DISC1: variants seen among roughly 807,000 people sequenced by gnomAD.
The protein encoded by DISC1 is DISC1 scaffold protein.
In DISC1, 57 loss-of-function variants were observed where a neutral mutation model predicts 84.5. The ratio of observed to expected loss-of-function variants is 0.67; its 90% confidence interval spans 0.55 to 0.84. The LOEUF (loss-of-function observed/expected upper bound fraction) is 0.84. Ranked by LOEUF, DISC1 falls within the 40% of genes least tolerant of loss-of-function variation. The pLI, the probability that DISC1 is intolerant of heterozygous loss-of-function variation, is 0.00. For missense variants in DISC1, 1,000 were observed against 1,057.8 expected, an observed-to-expected ratio of 0.95 and a Z score of 0.76; for synonymous variants, 411 against 415.2, an observed-to-expected ratio of 0.99 and a Z score of 0.12.
chr1:231,704,785 A>AT (rs2066849447), intron 3 of DISC1, among the ~76,000 whole-genome samples: 3 of 147,936 alleles, frequency 2.0e-5, no homozygotes, highest in Non-Finnish European at 4.5e-5. Flanking sequence ...AAAAAAAAAA[A>AT]GCAGATTCTG....
At chr1:231,875,810 A>G (rs1475194473) in intron 9 of DISC1, among the ~76,000 whole-genome samples, 4 of 152,046 alleles carry the variant, frequency 2.6e-5, no homozygotes, top group Admixed American at 6.6e-5. Flanking sequence ...ATCATTCACA[A>G]TTCCCCCACA....
intron 3 of DISC1, among the ~76,000 whole-genome samples, chr1:231,740,586 G>C (rs1238766327): frequency 1.3e-5 from 2 of 152,178 alleles, no homozygotes; most frequent in African/African-American, 2.4e-5. Flanking sequence ...CCAGGCCTTT[G>C]AGAAGATTTT....
chr1:231,633,919 T>C (rs953771241), intron 1 of DISC1, among the ~76,000 whole-genome samples: 2 of 149,136 alleles, frequency 1.3e-5, no homozygotes, highest in South Asian at 2.1e-4. Flanking sequence ...AGTCTTGCTC[T>C]GTAGCCCAGG....
intron 3 of DISC1, among the ~76,000 whole-genome samples, chr1:231,725,474 A>G (rs990204640): frequency 6.6e-6 from 1 of 152,172 alleles, no homozygotes. Flanking sequence ...TTTCCTAGGA[A>G]GTTCTAAATA....
chr1:231,842,764 A>G (rs1347604822), intron 9 of DISC1, among the ~76,000 whole-genome samples: 4 of 152,122 alleles, frequency 2.6e-5, no homozygotes, highest in African/African-American at 4.8e-5. Context: ...TATGTAACCA[A>G]TGGTGGGTCC....
At chr1:231,912,793 CTTTCTTTCTTT>C (rs2089335325) in intron 9 of DISC1, among the ~76,000 whole-genome samples, 1 of 130,638 alleles carries the variant, frequency 7.7e-6, no homozygotes, top group Admixed American at 7.4e-5. Flanking sequence ...TTCTTTCTTT[CTTTCTTTCTTT>C]CTTTTTCTTT....
At chr1:232,023,728 G>T (rs1034086919) in intron 11 of DISC1, among the ~76,000 whole-genome samples, 1 of 152,012 alleles carries the variant, frequency 6.6e-6, no homozygotes, top group Non-Finnish European at 1.5e-5. Flanking sequence ...ATTTGATTTC[G>T]TTTAAGGGTG....
chr1:231,956,576 C>G (rs533037489), intron 9 of DISC1, among the ~76,000 whole-genome samples: 1 of 152,144 alleles, frequency 6.6e-6, no homozygotes, highest in Non-Finnish European at 1.5e-5. Context: ...CCATTCCACT[C>G]AGAACACTCA....
In DISC1 at chr1:231,725,663, G is replaced by A. The variant is rs115817097; in HGVS notation, c.1117+23639G>A. On this transcript the variant is annotated intron_variant, in intron 3 of 12. Transcript: ENST00000439617. ...GATTGCTGTCTAACACCACCAGGTC[G>A]CCCTTGAATTATTTCCTGGTTGAAG... Among the ~76,000 whole-genome samples the A allele has an allele frequency of 8.3e-3, 1,267 of 152,316 alleles. 21 individuals are homozygous for A. Among genetic ancestry groups the A allele is most frequent in the African/African-American group, 0.028 (1,162 of 41,580 alleles).
intron 1 of DISC1, among the ~76,000 whole-genome samples, chr1:231,647,324 C>G (rs1336018153): frequency 6.6e-6 from 1 of 152,154 alleles, no homozygotes; most frequent in Non-Finnish European, 1.5e-5. Context: ...ATAGGGAATC[C>G]TTTCCCCATT....
In DISC1 at chr1:231,818,519, T is replaced by C. The variant is rs770215229; in HGVS notation, c.1981+2T>C. 7.4e-6 allele frequency: 12 copies of C among 1,614,032 alleles called. No individual in the cohort carries two copies. The highest frequency in any genetic ancestry group is 1.0e-5 in the Non-Finnish European group (12 of 1,179,958). The stretch of plus-strand genomic sequence containing the variant: ...TGGAGCACCAGGAGACTGCCTATGG[T>C]AGGTAGTGCACAACTGTTCCCCGGC... On this transcript the variant is annotated splice_donor_variant, in intron 9 of 12. Transcript: ENST00000439617. LOFTEE classifies it high-confidence loss of function.
intron 9 of DISC1, chr1:231,866,482 C>A (rs2085063666): frequency 1.3e-6 from 1 of 782,518 alleles, no homozygotes; most frequent in Admixed American, 1.7e-5. Context: ...GCTCCAGGCA[C>A]TTTCGAAGTC....
rs549412067 is a variant in DISC1 at position 231,960,213 on chromosome 1, A to G, written c.2042+1325A>G. On this transcript the variant is annotated intron_variant, in intron 10 of 12. Transcript: ENST00000439617. The stretch of plus-strand genomic sequence containing the variant: ...TATGTAAAGCATTCATGTGATTGGT[A>G]GTAGGCACGCATTAGTTTCCTTTAC... Among the ~76,000 whole-genome samples the G allele has an allele frequency of 4.6e-5, 7 of 152,284 alleles. No homozygotes were observed. In the South Asian group the frequency reaches 1.5e-3, roughly 32 times the overall value.
At chr1:231,762,123 T>C (rs1220331434) in intron 4 of DISC1, among the ~76,000 whole-genome samples, 3 of 151,884 alleles carry the variant, frequency 2.0e-5, no homozygotes, top group East Asian at 3.9e-4. Flanking sequence ...TTTCTTTTCT[T>C]TTTTCTTTTC....
chr1:232,030,562 A>G (rs763572874), intron 12 of DISC1, among the ~76,000 whole-genome samples: 5 of 152,186 alleles, frequency 3.3e-5, no homozygotes, highest in African/African-American at 4.8e-5. Context: ...TTTGGAGTGC[A>G]TGGTGCCCAA....
intron 9 of DISC1, among the ~76,000 whole-genome samples, chr1:231,869,250 C>T (rs1443738327): frequency 2.6e-5 from 4 of 152,064 alleles, no homozygotes; most frequent in African/African-American, 7.2e-5. Context: ...ATACAACCAC[C>T]GGGGAGTCTG....
At chr1:231,729,424 A>C (rs1403227058) in intron 3 of DISC1, among the ~76,000 whole-genome samples, 1 of 152,214 alleles carries the variant, frequency 6.6e-6, no homozygotes, top group Admixed American at 6.5e-5. Context: ...ATAGAGGCAT[A>C]TTGGAGTCCA....
intron 9 of DISC1, among the ~76,000 whole-genome samples, chr1:231,946,198 T>C (rs1094399): frequency 0.041 from 6,259 of 152,226 alleles, 419 homozygotes; most frequent in African/African-American, 0.14. Context: ...TGAACATAGA[T>C]GTGAAAATCC....
Position 231,893,488 on chromosome 1 carries a change from T to C in DISC1, c.1982-65340T>C, listed in dbSNP as rs1413275849. On this transcript the variant is annotated intron_variant, in intron 9 of 12. Transcript: ENST00000439617. ...TTAGTCAGCTCCTGCTTTGATAATGTAGTATAACAAACAGCCCCCAAATCT... is the reference window on the plus strand; with the variant it reads ...TTAGTCAGCTCCTGCTTTGATAATGCAGTATAACAAACAGCCCCCAAATCT... Among the ~76,000 whole-genome samples, 4 of 152,210 alleles carry C rather than the reference T, an allele frequency of 2.6e-5. No homozygotes were observed. In the South Asian group the frequency reaches 8.3e-4, roughly 32 times the overall value.
Sources: gnomAD v4.1 joint callset for allele counts (sites outside exome capture counted in the v4.1 genomes callset) on GRCh38, gnomAD v4.1.1 for gene constraint, MANE v1.5 for transcripts, NCBI Gene and HGNC (gene_info 2026-07-23, HGNC 2026-07-21) for gene names.